The following CCSAP variants were observed in gnomAD, a reference collection of about 807,000 sequenced individuals.
The protein encoded by CCSAP is centriole, cilia and spindle-associated protein.
A neutral mutation model predicts 25.9 loss-of-function variants in CCSAP; 17 were observed. That is an observed-to-expected ratio of 0.66 (90% CI 0.45 to 0.99). CCSAP has a LOEUF of 0.99. Among genes scored for constraint, CCSAP ranks in the 50% least tolerant of loss-of-function variants. The probability of loss-of-function intolerance (pLI) is 0.00; values close to 1 mark genes in which losing one functional copy is unlikely to be tolerated. For missense variants in CCSAP, 339 were observed against 367.8 expected (o/e 0.92, Z 0.64); for synonymous variants, 169 against 157.1 (o/e 1.08, Z -0.57).
rs11328051 is a variant in CCSAP at position 229,339,095 on chromosome 1, GAAAA to G, written c.367+3000_367+3003del. On this transcript the variant is annotated intron_variant, in intron 2 of 3. Coordinates refer to ENST00000284617, the MANE Select transcript of CCSAP (RefSeq NM_145257.5). ...AGGACTTCAGAAAAAAAAGAAATGGGAAAAAAAAAAAAAACAGAAATAAGAAAAT... is the reference window on the plus strand; with the variant it reads ...AGGACTTCAGAAAAAAAAGAAATGGGAAAAAAAAAACAGAAATAAGAAAAT... 1.9e-3 allele frequency among the ~76,000 whole-genome samples: 254 copies of G among 134,752 alleles called. 2 individuals are homozygous for G. Among genetic ancestry groups the G allele is most frequent in the African/African-American group, 6.5e-3 (240 of 36,846 alleles). 88.4% of individuals were successfully genotyped at this position (134,752 alleles called of 152,430 possible).
At position 229,326,777 on chromosome 1, in the gene CCSAP, C is replaced by T. The variant is rs745934814; in HGVS notation, c.597G>A (p.Gln199=). The T allele has an allele frequency of 3.3e-5, 54 of 1,614,126 alleles. No individual in the cohort carries two copies. Among genetic ancestry groups the T allele is most frequent in the Non-Finnish European group, 4.5e-5 (53 of 1,180,054 alleles). ...WGEKQTDTGS[Q]KTHNVCASAP... ...CGGACGCACAGACGTTGTGAGTCTT[C>T]TGGCTTCCTGTATCGGTCTGTTTTT... is the stretch of plus-strand genomic sequence containing the variant. Residue 199 remains glutamine (Q), a synonymous_variant, in exon 3 of 4, where the codon CAG becomes CAA. Coordinates refer to ENST00000284617, the MANE Select transcript of CCSAP (RefSeq NM_145257.5).
intron 3 of CCSAP, 101 bp downstream of exon 3, chr1:229,326,636 CA>C: frequency 7.0e-7 from 1 of 1,426,338 alleles, no homozygotes; most frequent in South Asian, 1.3e-5. Flanking sequence ...CCCATGGGCC[CA>C]AAGCACCCAG....
chr1:229,321,682 T>C lies in CCSAP; in HGVS notation c.*3553A>G, dbSNP rs1657826592. On this transcript the variant is annotated 3_prime_UTR_variant, in exon 4 of 4. Transcript: ENST00000284617. Reference sequence around the variant, plus strand: ...TGTAAAACTATCCATCAAACTGTTTTTTACCAAAGCAGTCAACAAGAAAAA... The same window carrying C: ...TGTAAAACTATCCATCAAACTGTTTCTTACCAAAGCAGTCAACAAGAAAAA... 6.6e-6 allele frequency: 1 copy of C among 152,210 alleles called. No individual in the cohort carries two copies. Among genetic ancestry groups the C allele is most frequent in the African/African-American group, 2.4e-5 (1 of 41,442 alleles). The allele number at this position is 152,210 out of a possible 1,614,324, so 9.4% of individuals were successfully genotyped here.
chr1:229,339,938 G>C (rs944197871), intron 2 of CCSAP, among the ~76,000 whole-genome samples: 2 of 151,900 alleles, frequency 1.3e-5, no homozygotes, highest in East Asian at 3.8e-4. Context: ...AAAGTCAATA[G>C]ATAATGTTAA....
intron 2 of CCSAP, among the ~76,000 whole-genome samples, chr1:229,333,429 T>A (rs1658127560): frequency 1.9e-5 from 1 of 53,620 alleles, no homozygotes. Flanking sequence ...CGAGACTCCA[T>A]CGAAAAAAAA....
rs1411852333 is a variant in CCSAP, at chr1:229,321,386, A to G, written c.*3849T>C. The G allele has an allele frequency of 6.6e-6, 1 of 152,190 alleles. No homozygotes were observed. The highest frequency in any genetic ancestry group is 1.5e-5 in the Non-Finnish European group (1 of 68,028). 9.4% of individuals were successfully genotyped at this position (152,190 alleles called of 1,614,324 possible). A position where few individuals can be genotyped will look rare whatever the true frequency, so the allele number is the denominator to read the frequency against. On this transcript the variant is annotated 3_prime_UTR_variant, in exon 4 of 4. Coordinates refer to ENST00000284617, the MANE Select transcript of CCSAP (RefSeq NM_145257.5). ...AGGCAAATTTGGACCAAAAATCTAG[A>G]CATAGCTCCTTGCATAGGGTTTGAT...
At position 229,334,357 on chromosome 1, in the gene CCSAP, T is replaced by C. The variant is rs192189262; in HGVS notation, c.368-7351A>G. ...TATACATAAATGTTAAATTTTATGA[T>C]TTTTGTGACTATTTTAAAAAATCAT... is the stretch of plus-strand genomic sequence containing the variant. On this transcript the variant is annotated intron_variant, in intron 2 of 3. Coordinates refer to ENST00000284617, the MANE Select transcript of CCSAP (RefSeq NM_145257.5). Among the ~76,000 whole-genome samples the C allele has an allele frequency of 2.2e-4, 34 of 152,384 alleles. No individual in the cohort carries two copies. The East Asian group carries it at 6.5e-3, about 29-fold the overall frequency.
At position 229,322,508 on chromosome 1, in the gene CCSAP, T is replaced by C. The variant is rs2102689078; in HGVS notation, c.*2727A>G. 6.6e-6 allele frequency: 1 copy of C among 152,344 alleles called. No homozygotes were observed. 9.4% of individuals were successfully genotyped at this position (152,344 alleles called of 1,614,324 possible). On this transcript the variant is annotated 3_prime_UTR_variant, in exon 4 of 4. Coordinates refer to ENST00000284617, the MANE Select transcript of CCSAP (RefSeq NM_145257.5). ...TTGAAGATCCATTTATTCACATTTT[T>C]CCAAGTAAATAGAATATTAACTATA...
At chr1:229,327,276 T>G in intron 2 of CCSAP, 1 of 343,972 alleles carries the variant, frequency 2.9e-6, no homozygotes, top group Non-Finnish European at 5.4e-6. Flanking sequence ...AGACTTAGCA[T>G]CTGGAATGTT....
At chr1:229,330,500 A>T (rs992373759) in intron 2 of CCSAP, among the ~76,000 whole-genome samples, 6 of 152,184 alleles carry the variant, frequency 3.9e-5, no homozygotes, top group Non-Finnish European at 8.8e-5. Context: ...GGGTAGCAAA[A>T]GAGTAAAAAA....
rs1186231791 is a variant in CCSAP at position 229,342,113 on chromosome 1, TCCTCCGCGTCCTCGG to T, written c.338_352del (p.Ala113_Glu117del). 1.5e-5 allele frequency: 20 copies of T among 1,346,630 alleles called. No homozygotes were observed. Among genetic ancestry groups the T allele is most frequent in the South Asian group, 6.3e-5 (3 of 47,946 alleles). 83.4% of individuals were successfully genotyped at this position (1,346,630 alleles called of 1,614,324 possible). On this transcript the variant is annotated inframe_deletion, in exon 2 of 4. Coordinates refer to ENST00000284617, the MANE Select transcript of CCSAP (RefSeq NM_145257.5). This position sits in a 1 kb window ranked among gnomAD's most constrained non-coding sequence, Gnocchi z 7.5. ...GGGCCGGGTACCTGGCAGAGCCGCG[TCCTCCGCGTCCTCGG>T]CCTCCGCGTCCCCGGCCTCCGCGTC... is the stretch of plus-strand genomic sequence containing the variant.
chr1:229,326,878 CT>C lies in CCSAP; in HGVS notation c.495del (p.Ala166ArgfsTer12). On this transcript the variant is annotated frameshift_variant, in exon 3 of 4. Transcript: ENST00000284617. LOFTEE classifies it high-confidence loss of function. ...GATGATCTTTGGGGACTTTTGACCG[CT>C]TTCCTGTTTCCTCTAGCAAATAAGG... ...PSALFARGNR[K>X]AVKSPQRSSS... is the part of the protein sequence containing the mutation. The C allele has an allele frequency of 1.2e-6, 2 of 1,614,184 alleles. No homozygotes were observed. Among genetic ancestry groups the C allele is most frequent in the Non-Finnish European group, 1.7e-6 (2 of 1,180,040 alleles).
chr1:229,330,185 G>A (rs12117575), intron 2 of CCSAP, among the ~76,000 whole-genome samples: 27,882 of 152,086 alleles, frequency 0.18, 2,588 homozygotes, highest in Non-Finnish European at 0.21. Context: ...GTGGGCGCTC[G>A]GTTCTGTGGC....
chr1:229,326,848 T>C lies in CCSAP; in HGVS notation c.526A>G (p.Lys176Glu), dbSNP rs763561401. The C allele has an allele frequency of 1.2e-6, 2 of 1,614,258 alleles. No homozygotes were observed. Among genetic ancestry groups the C allele is most frequent in the East Asian group, 4.5e-5 (2 of 44,884 alleles). The change falls in exon 3 of 4, where the codon AAA becomes GAA. Residue 176 changes from lysine (K) to glutamate (E), a missense_variant. Physicochemically the swap from Lys to Glu is moderately conservative, Grantham distance 56. Transcript: ENST00000284617. ...AVKSPQRSSS[K>E]IKENKHPFAL... The stretch of plus-strand genomic sequence containing the variant: ...AATGGATGCTTGTTTTCTTTTATTT[T>C]ACTCGATGATCTTTGGGGACTTTTG...
At chr1:229,326,331 C>T (rs1373783814) in intron 3 of CCSAP, among the ~76,000 whole-genome samples, 1 of 152,186 alleles carries the variant, frequency 6.6e-6, no homozygotes, top group Non-Finnish European at 1.5e-5. Context: ...GATAAAGAAG[C>T]GCCAGGTTAT....
At position 229,325,370 on chromosome 1, in the gene CCSAP, C is replaced by T. The variant is rs1301700719; in HGVS notation, c.678G>A (p.Val226=). The change falls in exon 4 of 4, where the codon GTG becomes GTA. Residue 226 remains valine, a synonymous_variant. Coordinates refer to ENST00000284617, the MANE Select transcript of CCSAP (RefSeq NM_145257.5). ...TTTGAGCAACCAGTTTCCTTTTTTCCACCTGTCTTCTGTTCTTGGCTCGTA... is the reference window on the plus strand; with the variant it reads ...TTTGAGCAACCAGTTTCCTTTTTTCTACCTGTCTTCTGTTCTTGGCTCGTA... ...SALRAKNRRQ[V]EKRKLVAQRQ... The T allele has an allele frequency of 1.2e-6, 2 of 1,614,056 alleles. No homozygotes were observed. Among genetic ancestry groups the T allele is most frequent in the Non-Finnish European group, 1.7e-6 (2 of 1,180,006 alleles).
chr1:229,339,042 T>C (rs1329271275), intron 2 of CCSAP, among the ~76,000 whole-genome samples: 1 of 112,666 alleles, frequency 8.9e-6, no homozygotes, highest in Non-Finnish European at 1.9e-5. Context: ...AATTAGAGGA[T>C]AAAATGATAA....
rs1453255011 is a variant in CCSAP at position 229,342,280 on chromosome 1, C to T, written c.186G>A (p.Ala62=). The change falls in exon 2 of 4, where the codon GCG becomes GCA. Residue 62 remains alanine (A), a synonymous_variant. Transcript: ENST00000284617. This position sits in a 1 kb window ranked among gnomAD's most constrained non-coding sequence, Gnocchi z 7.5. ...WGPAGSSEDS[A]SSESSGAGGP... ...CCCCGGCGCCCGACGACTCTGACGA[C>T]GCCGAGTCCTCCGAGGAGCCGGCCG... 5 of 1,366,488 alleles carry T rather than the reference C, an allele frequency of 3.7e-6. No homozygotes were observed. Among genetic ancestry groups the T allele is most frequent in the Middle Eastern group, 2.7e-4 (1 of 3,754 alleles). The allele number at this position is 1,366,488 out of a possible 1,614,324, so 84.6% of individuals were successfully genotyped here.
intron 2 of CCSAP, among the ~76,000 whole-genome samples, chr1:229,332,258 G>A (rs921442732): frequency 1.3e-5 from 2 of 152,182 alleles, no homozygotes; most frequent in African/African-American, 2.4e-5. Flanking sequence ...GTTTGAAGTT[G>A]GTCAGCCAGA....
Sources: gnomAD v4.1 joint callset for allele counts (sites outside exome capture counted in the v4.1 genomes callset) on GRCh38, gnomAD v4.1.1 for gene constraint, Gnocchi (gnomAD v3.1) non-coding constraint, MANE v1.5 for transcripts, NCBI Gene and HGNC (gene_info 2026-07-23, HGNC 2026-07-21) for gene names.